Variants in SOX5 observed in about 807,000 individuals in gnomAD.
The protein encoded by SOX5 is SRY-box transcription factor 5.
SOX5 carries 9 observed loss-of-function variants against 92.0 expected under a neutral mutation model. The ratio of observed to expected loss-of-function variants is 0.10; its 90% CI spans 0.06 to 0.17. The LOEUF (loss-of-function observed/expected upper bound fraction) is 0.17, where lower values mean the gene tolerates loss of function less well. SOX5 is among the 10% of genes least tolerant of loss of function. The pLI, the probability that SOX5 is intolerant of heterozygous loss-of-function variation, is 1.00. For synonymous variants in SOX5, 344 were observed against 336.3 expected, an observed-to-expected ratio of 1.02 and a Z score of -0.25; for missense variants, 642 against 944.5, an observed-to-expected ratio of 0.68 and a Z score of 4.20.
chr12:23,884,956 C>T (rs750251889), intron 2 of SOX5, among the ~76,000 whole-genome samples: 1 of 152,166 alleles, frequency 6.6e-6, no homozygotes, highest in African/African-American at 2.4e-5. Flanking sequence ...GACTGAAGAT[C>T]GGCTATAAGA....
intron 4 of SOX5, among the ~76,000 whole-genome samples, chr12:24,058,270 T>C (rs1229481916): frequency 6.6e-6 from 1 of 152,256 alleles, no homozygotes; most frequent in African/African-American, 2.4e-5. Context: ...AAAGGTCAAT[T>C]CATTTTAAAC....
chr12:24,125,251 A>G (rs995695023), intron 4 of SOX5, among the ~76,000 whole-genome samples: 1 of 152,118 alleles, frequency 6.6e-6, no homozygotes, highest in African/African-American at 2.4e-5. Context: ...CATAGATCTC[A>G]TTAGAAAACA....
intron 2 of SOX5, among the ~76,000 whole-genome samples, chr12:24,348,519 A>G (rs1953642888): frequency 6.6e-6 from 1 of 152,008 alleles, no homozygotes. Context: ...AATAGCTGGG[A>G]TTACAGGCAC....
At chr12:24,105,248 A>G (rs1593202259) in intron 4 of SOX5, among the ~76,000 whole-genome samples, 1 of 152,324 alleles carries the variant, frequency 6.6e-6, no homozygotes, top group East Asian at 1.9e-4. Context: ...AATGATTTAA[A>G]ACCATTTTTT....
chr12:23,655,428 G>C (rs1333709450), intron 7 of SOX5, among the ~76,000 whole-genome samples: 1 of 152,150 alleles, frequency 6.6e-6, no homozygotes, highest in Non-Finnish European at 1.5e-5. Flanking sequence ...ATGAAGAAAT[G>C]AATGGTCCCG....
intron 6 of SOX5, among the ~76,000 whole-genome samples, chr12:23,706,839 T>G (rs972416739): frequency 7.2e-5 from 11 of 152,028 alleles, no homozygotes. Context: ...ATGTTATATT[T>G]TAGTGCTAAT....
intron 3 of SOX5, among the ~76,000 whole-genome samples, chr12:23,773,452 A>G (rs1167204680): frequency 2.0e-5 from 3 of 152,126 alleles, no homozygotes; most frequent in Non-Finnish European, 4.4e-5. Flanking sequence ...GCTCGCTGCA[A>G]CTTCTGCCTC....
intron 2 of SOX5, among the ~76,000 whole-genome samples, chr12:23,848,657 T>C (rs894997199): frequency 2.0e-5 from 3 of 152,218 alleles, no homozygotes; most frequent in Non-Finnish European, 4.4e-5. Context: ...GGATTGCATT[T>C]GTCATACATG....
chr12:23,918,961 C>A (rs2097451290), intron 1 of SOX5, among the ~76,000 whole-genome samples: 1 of 151,402 alleles, frequency 6.6e-6, no homozygotes, highest in Non-Finnish European at 1.5e-5. Context: ...GCCCCCAATT[C>A]TTCCATTTTA....
chr12:23,810,949 C>A (rs2095865669), intron 3 of SOX5, among the ~76,000 whole-genome samples: 2 of 152,022 alleles, frequency 1.3e-5, no homozygotes, highest in Admixed American at 1.3e-4. Context: ...CAAAATATGT[C>A]ATACAAGAGT....
intron 2 of SOX5, among the ~76,000 whole-genome samples, chr12:24,359,843 G>C (rs1955324387): frequency 6.6e-6 from 1 of 152,160 alleles, no homozygotes; most frequent in African/African-American, 2.4e-5. Context: ...CAAAAAAGCT[G>C]TCTCTTTTCA....
At chr12:24,380,235 G>A (rs1196084942) in intron 1 of SOX5, among the ~76,000 whole-genome samples, 3 of 152,172 alleles carry the variant, frequency 2.0e-5, no homozygotes, top group Non-Finnish European at 4.4e-5. Context: ...CTATCTATCC[G>A]CCCAAAGTTG....
intron 4 of SOX5, among the ~76,000 whole-genome samples, chr12:24,147,398 CAGTGTACT>C (rs1197645931): frequency 1.3e-5 from 2 of 152,102 alleles, no homozygotes; most frequent in Admixed American, 1.3e-4. Flanking sequence ...TAAAAATTTT[CAGTGTACT>C]AGGTATAGGA....
At chr12:23,765,397 A>C (rs1042144982) in intron 3 of SOX5, among the ~76,000 whole-genome samples, 1 of 148,920 alleles carries the variant, frequency 6.7e-6, no homozygotes, top group African/African-American at 2.4e-5. Context: ...AAAAAAAAAA[A>C]AAAAAAAAAA....
At chr12:23,809,792 A>T (rs2095845758) in intron 3 of SOX5, among the ~76,000 whole-genome samples, 1 of 146,514 alleles carries the variant, frequency 6.8e-6, no homozygotes, top group South Asian at 2.1e-4. Context: ...AAGATTTGAC[A>T]TTACTACACA....
intron 3 of SOX5, among the ~76,000 whole-genome samples, chr12:23,804,608 G>A (rs1240107386): frequency 6.6e-6 from 1 of 151,712 alleles, no homozygotes. Flanking sequence ...CAATTTATTT[G>A]CCCTACATCC....
chr12:24,008,821 T>C (rs192790461), intron 4 of SOX5, among the ~76,000 whole-genome samples: 2 of 152,186 alleles, frequency 1.3e-5, no homozygotes, highest in African/African-American at 4.8e-5. Flanking sequence ...CCAGTATTTA[T>C]ACCCCTGTGG....
chr12:24,271,440 T>C (rs1031657017), intron 3 of SOX5, among the ~76,000 whole-genome samples: 1 of 152,230 alleles, frequency 6.6e-6, no homozygotes, highest in Admixed American at 6.5e-5. Context: ...CAATGATGTT[T>C]TTGAAATTTA....
chr12:24,180,167 G>C (rs764946759), intron 4 of SOX5, among the ~76,000 whole-genome samples: 1 of 152,072 alleles, frequency 6.6e-6, no homozygotes, highest in Admixed American at 6.6e-5. Flanking sequence ...ATGTTGCCCA[G>C]GCTGGTCTCA....
Sources: gnomAD v4.1 joint callset for allele counts (sites outside exome capture counted in the v4.1 genomes callset) on GRCh38, gnomAD v4.1.1 for gene constraint, MANE v1.5 for transcripts, NCBI Gene and HGNC (gene_info 2026-07-23, HGNC 2026-07-21) for gene names.